TSG101: variants seen among roughly 807,000 people sequenced by gnomAD.
TSG101 encodes tumor susceptibility 101.
Under a neutral mutation model 48.5 loss-of-function variants are expected in TSG101, and 19 were observed. That is an observed-to-expected ratio of 0.39 (90% CI 0.27 to 0.58). The LOEUF (loss-of-function observed/expected upper bound fraction) is 0.58. Among genes scored for constraint, TSG101 ranks in the 20% least tolerant of loss-of-function variants. TSG101 has a pLI of 0.55. For missense variants in TSG101, 365 were observed against 484.4 expected (o/e 0.75, Z 2.31); for synonymous variants, 174 against 169.4 (o/e 1.03, Z -0.21).
At chr11:18,496,809 C>A (rs531621056) in intron 7 of TSG101, among the ~76,000 whole-genome samples, 1 of 151,834 alleles carries the variant, frequency 6.6e-6, no homozygotes, top group Admixed American at 6.6e-5. Context: ...ACAAGGATAG[C>A]GCCAGGTGTG....
intron 7 of TSG101, among the ~76,000 whole-genome samples, chr11:18,498,959 CAAGT>C (rs1565086952): frequency 6.6e-6 from 1 of 151,764 alleles, no homozygotes. Flanking sequence ...GCTGATAGGA[CAAGT>C]AAGATGAGAA....
At chr11:18,481,940 CA>C in intron 8 of TSG101, 71 bp from the exon 9 acceptor site, 1 of 1,566,388 alleles carries the variant, frequency 6.4e-7, no homozygotes. Context: ...TACAACACTT[CA>C]CAGGAAAAGA....
chr11:18,483,284 C>G (rs1849571425), intron 8 of TSG101, among the ~76,000 whole-genome samples: 1 of 152,014 alleles, frequency 6.6e-6, no homozygotes, highest in Non-Finnish European at 1.5e-5. Flanking sequence ...CACCTGAGAT[C>G]AGGAGTTCGG....
intron 7 of TSG101, 140 bp downstream of exon 7, chr11:18,502,346 G>T: frequency 1.9e-6 from 1 of 532,524 alleles, no homozygotes. Context: ...TTTACTTCAA[G>T]TTTAAGATTA....
rs1849904551 is a variant in TSG101 at position 18,502,513 on chromosome 11, G to A, written c.613C>T (p.Pro205Ser). Residue 205 changes from proline (P) to serine (S), a missense_variant, in exon 7 of 10, where the codon CCT (proline) becomes TCT (serine). Pro to Ser is a moderately conservative substitution (Grantham distance 74, BLOSUM62 -1). Transcript: ENST00000251968. The part of the protein sequence containing the change: ...PYPATTSSQY[P>S]SQPPVTTVGP... ...ACAGTGGTCACAGGAGGCTGAGAAGGGTACTGAGAACTTGTTGTGGCAGGA... is the reference window on the plus strand; with the variant it reads ...ACAGTGGTCACAGGAGGCTGAGAAGAGTACTGAGAACTTGTTGTGGCAGGA... The A allele has an allele frequency of 6.2e-7, 1 of 1,613,336 alleles. No homozygotes were observed.
intron 4 of TSG101, 92 bp downstream of exon 4, chr11:18,514,586 C>A: frequency 9.1e-7 from 1 of 1,098,928 alleles, no homozygotes; most frequent in African/African-American, 1.6e-5. Flanking sequence ...TCTATCCTAC[C>A]TCGAATCCTC....
At chr11:18,514,476 A>C (rs1290846913) in intron 4 of TSG101, among the ~76,000 whole-genome samples, 6 of 152,218 alleles carry the variant, frequency 3.9e-5, no homozygotes, top group Non-Finnish European at 5.9e-5. Context: ...ATTGAATATA[A>C]GTATTCTGAA....
intron 1 of TSG101, among the ~76,000 whole-genome samples, chr11:18,525,024 T>A (rs538067411): frequency 1.3e-5 from 2 of 150,284 alleles, no homozygotes; most frequent in African/African-American, 4.9e-5. Flanking sequence ...GATTCTCCCA[T>A]CTCAGCCTCC....
Position 18,499,385 on chromosome 11 carries a change from T to TAA in TSG101, c.640+3100_640+3101insTT, listed in dbSNP as rs1849847967. ...ATATAAATATGTTTATATTTAAATA[T>TAA]ATATATATATATATATATTTTTTTT... On this transcript the variant is annotated intron_variant, in intron 7 of 9. Transcript: ENST00000251968. Among the ~76,000 whole-genome samples, 9 of 8,524 alleles carry TAA rather than the reference T, an allele frequency of 1.1e-3. No individual in the cohort carries two copies. In the Admixed American group the frequency reaches 0.021, roughly 20 times the overall value. 5.6% of individuals were successfully genotyped at this position (8,524 alleles called of 152,430 possible).
At chr11:18,497,454 T>C (rs1849801185) in intron 7 of TSG101, among the ~76,000 whole-genome samples, 1 of 152,204 alleles carries the variant, frequency 6.6e-6, no homozygotes, top group Non-Finnish European at 1.5e-5. Context: ...GTTGATTTGA[T>C]TACCCGTTCA....
intron 7 of TSG101, among the ~76,000 whole-genome samples, chr11:18,485,179 C>G (rs575485370): frequency 6.6e-6 from 1 of 152,258 alleles, no homozygotes; most frequent in Admixed American, 6.5e-5. Context: ...TCAACAAACT[C>G]TAAGCCATTC....
chr11:18,493,019 C>A (rs918037962), intron 7 of TSG101, among the ~76,000 whole-genome samples: 1 of 152,248 alleles, frequency 6.6e-6, no homozygotes. Context: ...ATTCTCTATA[C>A]CTGCTATAAC....
At chr11:18,524,670 G>A (rs1850336308) in intron 1 of TSG101, among the ~76,000 whole-genome samples, 1 of 152,082 alleles carries the variant, frequency 6.6e-6, no homozygotes, top group South Asian at 2.1e-4. Context: ...GGACCAAAAG[G>A]CAGGTAGGAT....
intron 6 of TSG101, 142 bp downstream of exon 6, chr11:18,506,715 A>T: frequency 1.9e-6 from 1 of 537,146 alleles, no homozygotes; most frequent in Non-Finnish European, 3.1e-6. Flanking sequence ...ATAAATAAAT[A>T]AATTCCAGGA....
chr11:18,493,191 T>C (rs1460417657), intron 7 of TSG101, among the ~76,000 whole-genome samples: 1 of 152,206 alleles, frequency 6.6e-6, no homozygotes, highest in East Asian at 1.9e-4. Flanking sequence ...CAAAACTTCC[T>C]TTAAATGTCA....
intron 7 of TSG101, 34 bp from the exon 8 acceptor site, chr11:18,484,106 C>A: frequency 6.2e-7 from 1 of 1,607,266 alleles, no homozygotes; most frequent in South Asian, 1.1e-5. Flanking sequence ...CACTTGCTTA[C>A]TTCCCAAGTT....
chr11:18,506,067 C>G (rs951077469), intron 6 of TSG101, among the ~76,000 whole-genome samples: 1 of 152,032 alleles, frequency 6.6e-6, no homozygotes, highest in Admixed American at 6.6e-5. Flanking sequence ...TCAGGTGATC[C>G]GCCTGCATCG....
chr11:18,523,131 G>C (rs1197939430), intron 1 of TSG101, among the ~76,000 whole-genome samples: 1 of 152,082 alleles, frequency 6.6e-6, no homozygotes, highest in South Asian at 2.1e-4. Context: ...TGGCCTCAAT[G>C]TGATCCTCTA....
rs368678350 is a variant in TSG101 at position 18,503,034 on chromosome 11, C to T, written c.549-457G>A. On this transcript the variant is annotated intron_variant, in intron 6 of 9. Coordinates refer to ENST00000251968, the MANE Select transcript of TSG101 (RefSeq NM_006292.4). The stretch of plus-strand genomic sequence containing the variant: ...TTTTCCTCTTTTGATAACATTCGTA[C>T]CAAACTCATCTTTAGTTTAAAAAAA... Among the ~76,000 whole-genome samples the T allele has an allele frequency of 6.6e-5, 10 of 152,150 alleles. No individual in the cohort carries two copies. In the East Asian group the frequency reaches 7.7e-4, roughly 12 times the overall value.
Sources: allele counts gnomAD v4.1 joint callset (sites outside exome capture counted in the v4.1 genomes callset), GRCh38; gene constraint gnomAD v4.1.1; transcripts MANE v1.5; gene names NCBI Gene and HGNC (gene_info 2026-07-23, HGNC 2026-07-21).